Variants in DYNC2H1 observed in about 807,000 individuals in gnomAD.
DYNC2H1 encodes the protein dynein cytoplasmic 2 heavy chain 1.
In DYNC2H1, 410 loss-of-function variants were observed where a neutral mutation model predicts 570.0. That is an observed-to-expected ratio of 0.72 (90% CI 0.66 to 0.78). DYNC2H1 has a LOEUF of 0.78. Among genes scored for constraint, DYNC2H1 ranks in the 30% least tolerant of loss-of-function variants. The probability of loss-of-function intolerance (pLI) is 0.00; values close to 1 mark genes in which losing one functional copy is unlikely to be tolerated. For missense variants in DYNC2H1, 4,865 were observed against 5,046.4 expected (o/e 0.96, Z 1.09); for synonymous variants, 1,688 against 1,677.6 (o/e 1.01, Z -0.15).
Position 103,156,657 on chromosome 11 carries a change from C to T in DYNC2H1, c.4014C>T (p.Tyr1338=). 6.2e-7 allele frequency: 1 copy of T among 1,613,308 alleles called. No homozygotes were observed. The highest frequency in any genetic ancestry group is 8.5e-7 in the Non-Finnish European group (1 of 1,179,630). ...WERKLAELDE[Y]LQNLNHIQRK... ...GAAAACTTGCAGAGTTAGATGAATA[C>T]CTGCAGAATTTAAATCATATTCAGA... Residue 1338 remains tyrosine, a synonymous_variant, in exon 26 of 89, where the codon TAC becomes TAT. Transcript: ENST00000375735.
intron 78 of DYNC2H1, 60 bp from the exon 79 acceptor site, chr11:103,311,818 A>G: frequency 6.8e-7 from 1 of 1,477,174 alleles, no homozygotes; most frequent in South Asian, 1.3e-5. Context: ...ATATGTTAAA[A>G]TCTAATATAT....
chr11:103,338,914 A>G (rs1262680987), intron 82 of DYNC2H1, among the ~76,000 whole-genome samples: 1 of 152,040 alleles, frequency 6.6e-6, no homozygotes, highest in Non-Finnish European at 1.5e-5. Flanking sequence ...AGTGTTAGAT[A>G]TTTATTTCTG....
At chr11:103,124,837 A>G (rs1858908226) in intron 11 of DYNC2H1, among the ~76,000 whole-genome samples, 1 of 152,198 alleles carries the variant, frequency 6.6e-6, no homozygotes, top group Non-Finnish European at 1.5e-5. Flanking sequence ...GCTGAAAGTT[A>G]AGAGATTGAT....
Position 103,186,284 on chromosome 11 carries a change from C to T in DYNC2H1, c.6676C>T (p.Pro2226Ser), listed in dbSNP as rs912686507. The change falls in exon 42 of 89, where the codon CCT (proline) becomes TCT (serine). Residue 2226 changes from proline to serine, a missense_variant. Coordinates refer to ENST00000375735, the MANE Select transcript of DYNC2H1 (RefSeq NM_001377.3). This position sits in a 1 kb window ranked among gnomAD's most constrained non-coding sequence, Gnocchi z 4.5. ...ARESPPDFHK[P>S]MDTYYDSTRG... Reference sequence around the variant, plus strand: ...AGAATCTCCTCCAGACTTTCACAAACCTATGGATACCTACTATGACTCTAC... The same window carrying T: ...AGAATCTCCTCCAGACTTTCACAAATCTATGGATACCTACTATGACTCTAC... The T allele has an allele frequency of 1.2e-6, 2 of 1,612,078 alleles. No homozygotes were observed. Among genetic ancestry groups the T allele is most frequent in the Non-Finnish European group, 1.7e-6 (2 of 1,178,934 alleles).
intron 88 of DYNC2H1, among the ~76,000 whole-genome samples, chr11:103,469,691 G>C (rs1327585460): frequency 3.9e-5 from 6 of 152,094 alleles, no homozygotes; most frequent in Non-Finnish European, 7.4e-5. Flanking sequence ...CCCCATATCA[G>C]CTTCATTTTC....
chr11:103,121,157 T>A, intron 9 of DYNC2H1, 121 bp downstream of exon 9: 1 of 892,848 alleles, frequency 1.1e-6, no homozygotes, highest in Non-Finnish European at 1.6e-6. Flanking sequence ...TGCTGAAGAT[T>A]AATTTACTTA....
At chr11:103,223,201 C>G in intron 59 of DYNC2H1, 115 bp downstream of exon 59, 4 of 1,026,668 alleles carry the variant, frequency 3.9e-6, no homozygotes, top group Non-Finnish European at 5.2e-6. Context: ...GTTGACAATA[C>G]TAAAATATAT....
At chr11:103,120,280 G>T (rs1424701120) in intron 6 of DYNC2H1, among the ~76,000 whole-genome samples, 167 bp from the exon 7 acceptor site, 1 of 152,082 alleles carries the variant, frequency 6.6e-6, no homozygotes, top group Non-Finnish European at 1.5e-5. Context: ...TCACTTTGTT[G>T]TTGTCACGTG....
chr11:103,410,593 A>G (rs1943044655), intron 84 of DYNC2H1, among the ~76,000 whole-genome samples: 2 of 152,116 alleles, frequency 1.3e-5, no homozygotes, highest in African/African-American at 4.8e-5. Flanking sequence ...TTTTGTTAAT[A>G]TAACTATTAT....
At position 103,109,439 on chromosome 11, in the gene DYNC2H1, C is replaced by T. The variant is rs752148011; in HGVS notation, c.-136C>T. ...TGCTCCGTCGCCATAGCGACTACCCCTGGCAACCGCGAAGCTCTGCGGTCC... is the reference window on the plus strand; with the variant it reads ...TGCTCCGTCGCCATAGCGACTACCCTTGGCAACCGCGAAGCTCTGCGGTCC... On this transcript the variant is annotated 5_prime_UTR_variant, in exon 1 of 89. Transcript: ENST00000375735. The T allele has an allele frequency of 1.2e-6, 1 of 860,236 alleles. No homozygotes were observed. Among genetic ancestry groups the T allele is most frequent in the South Asian group, 2.0e-5 (1 of 49,770 alleles). 53.3% of individuals were successfully genotyped at this position (860,236 alleles called of 1,614,324 possible). A position where few individuals can be genotyped will look rare whatever the true frequency, so the allele number is the denominator to read the frequency against.
intron 20 of DYNC2H1, among the ~76,000 whole-genome samples, chr11:103,150,067 G>T (rs1860460156): frequency 6.6e-6 from 1 of 152,174 alleles, no homozygotes; most frequent in African/African-American, 2.4e-5. Flanking sequence ...AGTATCAAGA[G>T]AGTTAATTAT....
At position 103,282,374 on chromosome 11, in the gene DYNC2H1, T is replaced by C. The variant is rs1449561370; in HGVS notation, c.10812+145T>C. The C allele has an allele frequency of 4.3e-6, 3 of 691,748 alleles. No individual in the cohort carries two copies. In the African/African-American group the frequency reaches 5.6e-5, roughly 13 times the overall value. The allele number at this position is 691,748 out of a possible 1,614,324, so 42.9% of individuals were successfully genotyped here. ...GAAGAATATATTCTGGCCTCTTAAG[T>C]ATTTCCTATAAAATAGACAAGTATA... On this transcript the variant is annotated intron_variant, in intron 72 of 88. Transcript: ENST00000375735.
At chr11:103,323,097 G>A (rs1405821107) in intron 81 of DYNC2H1, among the ~76,000 whole-genome samples, 1 of 152,164 alleles carries the variant, frequency 6.6e-6, no homozygotes, top group African/African-American at 2.4e-5. Context: ...AGTCTCCCAT[G>A]CCTACTTCAG....
intron 85 of DYNC2H1, among the ~76,000 whole-genome samples, chr11:103,442,426 A>G (rs929291827): frequency 2.0e-5 from 3 of 152,282 alleles, no homozygotes; most frequent in African/African-American, 7.2e-5. Flanking sequence ...AATTTTATTC[A>G]GAAAAATAAA....
chr11:103,457,164 G>A (rs1199803872), intron 87 of DYNC2H1, among the ~76,000 whole-genome samples: 1 of 152,152 alleles, frequency 6.6e-6, no homozygotes, highest in African/African-American at 2.4e-5. Context: ...AAACAAATCT[G>A]CGCTGCCAGT....
At chr11:103,176,135 T>C (rs1209517854) in intron 36 of DYNC2H1, 100 bp from the exon 37 acceptor site, 1 of 874,774 alleles carries the variant, frequency 1.1e-6, no homozygotes, top group Non-Finnish European at 1.6e-6. Context: ...TTCTAGTGCA[T>C]TTAATGATTA....
intron 17 of DYNC2H1, among the ~76,000 whole-genome samples, chr11:103,138,395 A>T (rs1330193983): frequency 2.6e-5 from 4 of 151,542 alleles, no homozygotes; most frequent in Non-Finnish European, 5.9e-5. Context: ...ATTTTGAGAT[A>T]CATCTCATCA....
At chr11:103,444,416 T>A (rs1771950972) in intron 85 of DYNC2H1, among the ~76,000 whole-genome samples, 1 of 152,072 alleles carries the variant, frequency 6.6e-6, no homozygotes, top group South Asian at 2.1e-4. Context: ...TTGTTACACT[T>A]ATTAAATAAG....
rs537118260 is a variant in DYNC2H1 at position 103,145,668 on chromosome 11, A to T, written c.2703-2104A>T. Reference sequence around the variant, plus strand: ...TAAGTGAATACATACATATGCACATACAAACATACACATTTATTTCATCGG... The same window carrying T: ...TAAGTGAATACATACATATGCACATTCAAACATACACATTTATTTCATCGG... On this transcript the variant is annotated intron_variant, in intron 18 of 88. Coordinates refer to ENST00000375735, the MANE Select transcript of DYNC2H1 (RefSeq NM_001377.3). The surrounding 1 kb of genome is among the most constrained non-coding windows in gnomAD (Gnocchi z 4.2). Among the ~76,000 whole-genome samples the T allele has an allele frequency of 3.9e-5, 6 of 152,232 alleles. No homozygotes were observed. The highest frequency in any genetic ancestry group is 8.8e-5 in the Non-Finnish European group (6 of 68,040).
Sources: gnomAD v4.1 joint callset for allele counts (sites outside exome capture counted in the v4.1 genomes callset) on GRCh38, gnomAD v4.1.1 for gene constraint, Gnocchi (gnomAD v3.1) non-coding constraint, MANE v1.5 for transcripts, NCBI Gene and HGNC (gene_info 2026-07-23, HGNC 2026-07-21) for gene names.